Variants in TTC29 observed in about 807,000 individuals in gnomAD.
TTC29 encodes tetratricopeptide repeat domain 29, also known as tetratricopeptide repeat protein 29.
TTC29 carries 49 observed loss-of-function variants against 58.1 expected under a neutral mutation model. The observed-to-expected ratio is 0.84, with a 90% CI of 0.67 to 1.07. The LOEUF is 1.07. Ranked by LOEUF, TTC29 falls within the 50% of genes least tolerant of loss-of-function variation. The pLI is 0.00. For synonymous variants in TTC29, 209 were observed against 196.8 expected, an observed-to-expected ratio of 1.06 and a Z score of -0.52; for missense variants, 582 against 555.6, an observed-to-expected ratio of 1.05 and a Z score of -0.48.
At chr4:146,785,408 G>A (rs1474665187) in intron 11 of TTC29, among the ~76,000 whole-genome samples, 1 of 152,164 alleles carries the variant, frequency 6.6e-6, no homozygotes, top group East Asian at 1.9e-4. Flanking sequence ...TGTTTGGCTT[G>A]TTGAAGTCAT....
At chr4:146,891,896 G>T (rs1732390464) in intron 6 of TTC29, among the ~76,000 whole-genome samples, 1 of 152,136 alleles carries the variant, frequency 6.6e-6, no homozygotes, top group Admixed American at 6.6e-5. Context: ...GGAACTGGGT[G>T]AGAGATGCTT....
At chr4:146,744,832 C>T (rs1745422492) in intron 11 of TTC29, among the ~76,000 whole-genome samples, 3 of 152,122 alleles carry the variant, frequency 2.0e-5, no homozygotes, top group Admixed American at 6.5e-5. Context: ...CTATTCAAGT[C>T]ATGTTTGATG....
At chr4:146,763,349 C>A (rs1226452770) in intron 11 of TTC29, among the ~76,000 whole-genome samples, 1 of 152,022 alleles carries the variant, frequency 6.6e-6, no homozygotes, top group Non-Finnish European at 1.5e-5. Context: ...TTCCCATTCT[C>A]TCCTATTTCT....
chr4:146,730,425 G>T (rs1463169297), intron 11 of TTC29, among the ~76,000 whole-genome samples: 1 of 152,076 alleles, frequency 6.6e-6, no homozygotes, highest in African/African-American at 2.4e-5. Context: ...CTTTAGGCTG[G>T]ATAGATAATT....
chr4:146,905,609 C>T (rs1275251427), intron 5 of TTC29, among the ~76,000 whole-genome samples: 1 of 152,062 alleles, frequency 6.6e-6, no homozygotes, highest in Non-Finnish European at 1.5e-5. Flanking sequence ...TTTACAAAGG[C>T]TACAAGTAGC....
At chr4:146,781,004 C>T (rs1748552814) in intron 11 of TTC29, among the ~76,000 whole-genome samples, 1 of 151,968 alleles carries the variant, frequency 6.6e-6, no homozygotes, top group Non-Finnish European at 1.5e-5. Context: ...GATGAGCATG[C>T]ATAACATAAA....
At chr4:146,887,928 C>T (rs1056261760) in intron 6 of TTC29, among the ~76,000 whole-genome samples, 1 of 151,942 alleles carries the variant, frequency 6.6e-6, no homozygotes, top group Non-Finnish European at 1.5e-5. Context: ...GGCCCAGCAT[C>T]AAAGTGGAAC....
chr4:146,904,768 G>A (rs1023005754), intron 5 of TTC29, among the ~76,000 whole-genome samples: 8 of 152,118 alleles, frequency 5.3e-5, no homozygotes, highest in East Asian at 1.9e-4. Flanking sequence ...ACATATTCCT[G>A]AAGAGATTAC....
At chr4:146,833,288 A>G (rs2150157332) in intron 9 of TTC29, among the ~76,000 whole-genome samples, 2 of 152,340 alleles carry the variant, frequency 1.3e-5, no homozygotes, top group South Asian at 4.1e-4. Context: ...AAAAACAGGT[A>G]TCAGAAGTTG....
intron 11 of TTC29, among the ~76,000 whole-genome samples, chr4:146,772,372 TAC>T (rs1222034377): frequency 6.6e-6 from 1 of 152,142 alleles, no homozygotes; most frequent in Non-Finnish European, 1.5e-5. Context: ...GCAGAGTTTT[TAC>T]AGTTTTAGAT....
At chr4:146,928,477 G>A (rs1735087080) in intron 4 of TTC29, among the ~76,000 whole-genome samples, 4 of 152,162 alleles carry the variant, frequency 2.6e-5, no homozygotes, top group Admixed American at 2.6e-4. Flanking sequence ...AAGCAGGAAT[G>A]GAAGGAATTA....
chr4:146,756,064 G>C (rs1293275327), intron 11 of TTC29, among the ~76,000 whole-genome samples: 9 of 152,086 alleles, frequency 5.9e-5, no homozygotes, highest in African/African-American at 2.2e-4. Flanking sequence ...CATGAGGTCA[G>C]GAGATCGAGA....
Position 146,893,290 on chromosome 4 carries a change from G to T in TTC29, c.586+10254C>A, listed in dbSNP as rs1252631072. ...ACCTGACTTCAAACTATACTACAAGGCTACAGTAACCAAAACAGCATGGTA... is the reference window on the plus strand; with the variant it reads ...ACCTGACTTCAAACTATACTACAAGTCTACAGTAACCAAAACAGCATGGTA... On this transcript the variant is annotated intron_variant, in intron 6 of 12. Coordinates refer to ENST00000325106, the MANE Select transcript of TTC29 (RefSeq NM_031956.4). Among the ~76,000 whole-genome samples, 6 of 152,156 alleles carry T rather than the reference G, an allele frequency of 3.9e-5. No homozygotes were observed. The East Asian group carries it at 1.2e-3, about 30-fold the overall frequency.
At chr4:146,808,638 T>C (rs1413428524) in intron 10 of TTC29, among the ~76,000 whole-genome samples, 1 of 152,156 alleles carries the variant, frequency 6.6e-6, no homozygotes, top group African/African-American at 2.4e-5. Flanking sequence ...CATTCACAAT[T>C]GCTACAAAGA....
chr4:146,713,206 C>T (rs1408731683), intron 11 of TTC29, among the ~76,000 whole-genome samples: 1 of 151,276 alleles, frequency 6.6e-6, no homozygotes, highest in Non-Finnish European at 1.5e-5. Context: ...TTTCCTTTAG[C>T]AAACATTTAG....
chr4:146,762,644 C>T (rs1188151295), intron 11 of TTC29, among the ~76,000 whole-genome samples: 1 of 151,782 alleles, frequency 6.6e-6, no homozygotes, highest in Admixed American at 6.6e-5. Context: ...TAGTCATCTG[C>T]CCTTTTTCTC....
At chr4:146,716,679 C>T (rs1742953456) in intron 11 of TTC29, among the ~76,000 whole-genome samples, 2 of 151,868 alleles carry the variant, frequency 1.3e-5, no homozygotes, top group Non-Finnish European at 2.9e-5. Context: ...GTATCCAGTC[C>T]AAATATAGTA....
chr4:146,842,697 A>T (rs1258416920), intron 8 of TTC29, among the ~76,000 whole-genome samples: 1 of 152,180 alleles, frequency 6.6e-6, no homozygotes, highest in Non-Finnish European at 1.5e-5. Flanking sequence ...ATAAAAAGTC[A>T]GCATAGCTAA....
chr4:146,727,359 C>T (rs1274942606), intron 11 of TTC29, among the ~76,000 whole-genome samples: 1 of 152,140 alleles, frequency 6.6e-6, no homozygotes, highest in Non-Finnish European at 1.5e-5. Flanking sequence ...ATCGTTATCA[C>T]CCAAAGTCCG....
Sources: allele counts gnomAD v4.1 joint callset (sites outside exome capture counted in the v4.1 genomes callset), GRCh38; gene constraint gnomAD v4.1.1; transcripts MANE v1.5; gene names NCBI Gene and HGNC (gene_info 2026-07-23, HGNC 2026-07-21).